USP6NL: variants seen among roughly 807,000 people sequenced by gnomAD.
USP6NL encodes the protein USP6 N-terminal-like protein.
A neutral mutation model predicts 61.9 loss-of-function variants in USP6NL; 26 were observed. The ratio of observed to expected loss-of-function variants is 0.42; its 90% confidence interval spans 0.31 to 0.58. The LOEUF (loss-of-function observed/expected upper bound fraction) is 0.58, where lower values mean the gene tolerates loss of function less well. Among genes scored for constraint, USP6NL ranks in the 20% least tolerant of loss-of-function variants. The pLI, the probability that USP6NL is intolerant of heterozygous loss-of-function variation, is 0.16. For synonymous variants in USP6NL, 432 were observed against 390.1 expected (o/e 1.11, Z -1.27); for missense variants, 1,114 against 1,034.3 (o/e 1.08, Z -1.06).
intron 1 of USP6NL, among the ~76,000 whole-genome samples, chr10:11,608,278 A>G (rs1838770980): frequency 6.6e-6 from 1 of 152,232 alleles, no homozygotes. Context: ...GCATGTCAAG[A>G]GTCACTCCCA....
At chr10:11,484,382 C>T (rs1391556311) in intron 13 of USP6NL, among the ~76,000 whole-genome samples, 1 of 148,764 alleles carries the variant, frequency 6.7e-6, no homozygotes, top group East Asian at 2.1e-4. Context: ...CAACTGAAGA[C>T]TAAAAATTCT....
At chr10:11,559,010 G>C (rs1836823376) in intron 2 of USP6NL, among the ~76,000 whole-genome samples, 1 of 152,160 alleles carries the variant, frequency 6.6e-6, no homozygotes, top group African/African-American at 2.4e-5. Flanking sequence ...GTCGAGTTTG[G>C]TTACAGACTT....
rs1225190659 is a variant in USP6NL, at chr10:11,600,907, G to A, written c.-83-3190C>T. On this transcript the variant is annotated intron_variant, in intron 1 of 14. Transcript: ENST00000609104. This position sits in a 1 kb window ranked among gnomAD's most constrained non-coding sequence, Gnocchi z 4.1. ...TGCTTGAGCCTGGGAGGTGGAGGCT[G>A]CAGTAAGCCAAGATCGCACCACTGC... is the stretch of plus-strand genomic sequence containing the variant. Among the ~76,000 whole-genome samples, 1 of 152,018 alleles carries A rather than the reference G, an allele frequency of 6.6e-6. No individual in the cohort carries two copies. Among genetic ancestry groups the A allele is most frequent in the Non-Finnish European group, 1.5e-5 (1 of 68,020 alleles).
At chr10:11,609,860 T>C (rs56156185) in intron 1 of USP6NL, among the ~76,000 whole-genome samples, 16,400 of 152,222 alleles carry the variant, frequency 0.11, 1,400 homozygotes, top group East Asian at 0.43. Context: ...CTGGCTTGTT[T>C]AACCAAAGTC....
chr10:11,493,800 G>C (rs950973342), intron 7 of USP6NL, among the ~76,000 whole-genome samples: 2 of 149,356 alleles, frequency 1.3e-5, no homozygotes. Flanking sequence ...TGTGCGGCCG[G>C]ACCTCTGGGC....
chr10:11,570,524 C>T (rs1027683558), intron 2 of USP6NL, among the ~76,000 whole-genome samples: 3 of 152,158 alleles, frequency 2.0e-5, no homozygotes, highest in Non-Finnish European at 4.4e-5. Flanking sequence ...CTTGGTCGTT[C>T]GGTTCTCTAC....
rs1047913717 is a variant in USP6NL at position 11,460,875 on chromosome 10, G to A, written c.*1566C>T. The stretch of plus-strand genomic sequence containing the variant: ...GTTATTTCACCAGAATTTTGTTTGC[G>A]TTTCAATGTAGTGTTTAGCTTTAAT... On this transcript the variant is annotated 3_prime_UTR_variant, in exon 15 of 15. Coordinates refer to ENST00000609104, the MANE Select transcript of USP6NL (RefSeq NM_014688.5). The A allele has an allele frequency of 2.6e-5, 4 of 152,138 alleles. No homozygotes were observed. Among genetic ancestry groups the A allele is most frequent in the Non-Finnish European group, 2.9e-5 (2 of 67,966 alleles). The allele number at this position is 152,138 out of a possible 1,614,324, so 9.4% of individuals were successfully genotyped here.
rs957977490 is a variant in USP6NL, at chr10:11,595,401, G to A, written c.4+2230C>T. Among the ~76,000 whole-genome samples the A allele has an allele frequency of 7.2e-5, 11 of 152,136 alleles. No homozygotes were observed. Among genetic ancestry groups the A allele is most frequent in the African/African-American group, 2.7e-4 (11 of 41,418 alleles). ...GCTCTGTGCCTAAAGCCAGAGACTGGGGTGGCACTTTTCCTTAATTATGAA... is the reference window on the plus strand; with the variant it reads ...GCTCTGTGCCTAAAGCCAGAGACTGAGGTGGCACTTTTCCTTAATTATGAA... On this transcript the variant is annotated intron_variant, in intron 2 of 14. Transcript: ENST00000609104. This position sits in a 1 kb window ranked among gnomAD's most constrained non-coding sequence, Gnocchi z 5.3.
At chr10:11,555,496 G>A (rs1836678303) in intron 2 of USP6NL, among the ~76,000 whole-genome samples, 1 of 127,552 alleles carries the variant, frequency 7.8e-6, no homozygotes, top group Non-Finnish European at 1.6e-5. Context: ...AGAGAGAGAA[G>A]AGGAATAAAA....
chr10:11,580,746 G>A (rs571277022), intron 2 of USP6NL, among the ~76,000 whole-genome samples: 1 of 152,172 alleles, frequency 6.6e-6, no homozygotes, highest in Non-Finnish European at 1.5e-5. Flanking sequence ...CTAGAAGAAT[G>A]ACATAGGAAA....
In USP6NL at chr10:11,463,343, T is replaced by C; in HGVS notation, c.1585A>G (p.Asn529Asp). ...AGGGCCTTCATCTTTGGCCGCACGT[T>C]TGACACCCGCACCTCGGCAGGACCT... Reference protein sequence around the residue: ...VPGPAEVRVSNVRPKMKALDA... With the variant: ...VPGPAEVRVSDVRPKMKALDA... The change falls in exon 15 of 15, where the codon AAC becomes GAC. Residue 529 changes from asparagine (N) to aspartate (D), a missense_variant. Physicochemically the swap from Asn to Asp is conservative, Grantham distance 23. Transcript: ENST00000609104. This position sits in a 1 kb window ranked among gnomAD's most constrained non-coding sequence, Gnocchi z 6.3. 1 of 1,613,920 alleles carries C rather than the reference T, an allele frequency of 6.2e-7. No homozygotes were observed. Among genetic ancestry groups the C allele is most frequent in the Non-Finnish European group, 8.5e-7 (1 of 1,179,874 alleles).
rs954590669 is a variant in USP6NL at position 11,592,810 on chromosome 10, T to C, written c.4+4821A>G. The stretch of plus-strand genomic sequence containing the variant: ...TTAGTAAGACTCTGAAGAATCCTTC[T>C]ACTACCACTGAGAGATTTAGTAATC... On this transcript the variant is annotated intron_variant, in intron 2 of 14. Transcript: ENST00000609104. This position sits in a 1 kb window ranked among gnomAD's most constrained non-coding sequence, Gnocchi z 4.7. 2.6e-5 allele frequency among the ~76,000 whole-genome samples: 4 copies of C among 152,254 alleles called. No homozygotes were observed. The highest frequency in any genetic ancestry group is 4.4e-5 in the Non-Finnish European group (3 of 68,044).
chr10:11,469,892 A>C lies in USP6NL; in HGVS notation c.1079-6043T>G, dbSNP rs150103042. On this transcript the variant is annotated intron_variant, in intron 14 of 14. Transcript: ENST00000609104. ...GTGCACGCTCATGATACCTGCACCA[A>C]CGTCCATCTCCCATGAACATTTGCT... Among the ~76,000 whole-genome samples, 734 of 152,298 alleles carry C rather than the reference A, an allele frequency of 4.8e-3. 5 individuals carry two copies. The highest frequency in any genetic ancestry group is 0.016 in the African/African-American group (664 of 41,558).
At chr10:11,543,043 G>C (rs1313833396) in intron 2 of USP6NL, among the ~76,000 whole-genome samples, 1 of 152,068 alleles carries the variant, frequency 6.6e-6, no homozygotes, top group Non-Finnish European at 1.5e-5. Flanking sequence ...AAATAACTTA[G>C]TAAAAATTTA....
Position 11,561,129 on chromosome 10 carries a change from T to C in USP6NL, c.5-33562A>G, listed in dbSNP as rs1009189277. ...ACTCTATGTCATAGGACGGTAAAATTACATTTTAAGTAGTTTCATCCAGAA... is the reference window on the plus strand; with the variant it reads ...ACTCTATGTCATAGGACGGTAAAATCACATTTTAAGTAGTTTCATCCAGAA... On this transcript the variant is annotated intron_variant, in intron 2 of 14. Coordinates refer to ENST00000609104, the MANE Select transcript of USP6NL (RefSeq NM_014688.5). This position sits in a 1 kb window ranked among gnomAD's most constrained non-coding sequence, Gnocchi z 4.1. 1.3e-5 allele frequency among the ~76,000 whole-genome samples: 2 copies of C among 152,192 alleles called. No homozygotes were observed. Among genetic ancestry groups the C allele is most frequent in the East Asian group, 1.9e-4 (1 of 5,198 alleles).
intron 7 of USP6NL, among the ~76,000 whole-genome samples, chr10:11,493,911 T>C (rs1188336492): frequency 6.6e-6 from 1 of 152,230 alleles, no homozygotes; most frequent in Non-Finnish European, 1.5e-5. Flanking sequence ...CTGGGCCTGC[T>C]GCACAGCTCA....
chr10:11,535,513 T>C (rs1835796519), intron 2 of USP6NL, among the ~76,000 whole-genome samples: 1 of 152,084 alleles, frequency 6.6e-6, no homozygotes, highest in South Asian at 2.1e-4. Context: ...CAGGGAAAAG[T>C]AGCTGGTACA....
At position 11,476,724 on chromosome 10, in the gene USP6NL, A is replaced by G. The variant is rs1832980772; in HGVS notation, c.1078+5046T>C. Among the ~76,000 whole-genome samples the G allele has an allele frequency of 6.6e-6, 1 of 152,242 alleles. No individual in the cohort carries two copies. Among genetic ancestry groups the G allele is most frequent in the Non-Finnish European group, 1.5e-5 (1 of 68,040 alleles). Reference sequence around the variant, plus strand: ...AATGAAAACCAAAAATTTAAATGGTAGACAGTGTATGTAGATTATAACAAT... The same window carrying G: ...AATGAAAACCAAAAATTTAAATGGTGGACAGTGTATGTAGATTATAACAAT... On this transcript the variant is annotated intron_variant, in intron 14 of 14. Transcript: ENST00000609104. The surrounding 1 kb of genome is among the most constrained non-coding windows in gnomAD (Gnocchi z 4.3).
At chr10:11,550,065 T>C (rs1321081165) in intron 2 of USP6NL, among the ~76,000 whole-genome samples, 1 of 152,244 alleles carries the variant, frequency 6.6e-6, no homozygotes, top group African/African-American at 2.4e-5. Context: ...CTGAAATAAC[T>C]AGGTATCTAT....
Sources: gnomAD v4.1 joint callset for allele counts (sites outside exome capture counted in the v4.1 genomes callset) on GRCh38, gnomAD v4.1.1 for gene constraint, Gnocchi (gnomAD v3.1) non-coding constraint, MANE v1.5 for transcripts, NCBI Gene and HGNC (gene_info 2026-07-23, HGNC 2026-07-21) for gene names.